The following PCCA variants were observed in gnomAD, a reference collection of about 807,000 sequenced individuals.
PCCA encodes the protein propionyl-CoA carboxylase subunit alpha, also known as propionyl-CoA carboxylase alpha chain, mitochondrial.
A neutral mutation model predicts 101.3 loss-of-function variants in PCCA; 74 were observed. That is an observed-to-expected ratio of 0.73 (90% CI 0.61 to 0.89). The LOEUF is 0.89. Ranked by LOEUF, PCCA falls within the 40% of genes least tolerant of loss-of-function variation. The probability of loss-of-function intolerance (pLI) is 0.00; values close to 1 mark genes in which losing one functional copy is unlikely to be tolerated. For synonymous variants in PCCA, 294 were observed against 313.6 expected, an observed-to-expected ratio of 0.94 and a Z score of 0.66; for missense variants, 891 against 907.0, an observed-to-expected ratio of 0.98 and a Z score of 0.23.
At chr13:100,344,798 G>C (rs1348719522) in intron 18 of PCCA, among the ~76,000 whole-genome samples, 1 of 152,060 alleles carries the variant, frequency 6.6e-6, no homozygotes, top group African/African-American at 2.4e-5. Flanking sequence ...ACCCTGCATT[G>C]AGCAAGTCTT....
intron 20 of PCCA, among the ~76,000 whole-genome samples, chr13:100,436,103 G>A (rs1308699219): frequency 6.6e-6 from 1 of 152,124 alleles, no homozygotes; most frequent in East Asian, 1.9e-4. Context: ...CAGTGTGGGA[G>A]CGAGCCTGAG....
intron 1 of PCCA, among the ~76,000 whole-genome samples, chr13:100,095,015 C>G (rs2046639778): frequency 6.6e-6 from 1 of 152,208 alleles, no homozygotes; most frequent in African/African-American, 2.4e-5. Flanking sequence ...AGTCTGAAAT[C>G]AAGGCATGAG....
chr13:100,310,929 G>T (rs756391554), intron 16 of PCCA, among the ~76,000 whole-genome samples: 1 of 152,004 alleles, frequency 6.6e-6, no homozygotes, highest in Non-Finnish European at 1.5e-5. Context: ...CTGTCCTGAC[G>T]CCATTTAATA....
chr13:100,505,607 G>A lies in PCCA; in HGVS notation c.1900-9820G>A, dbSNP rs535893085. On this transcript the variant is annotated intron_variant, in intron 21 of 23. Transcript: ENST00000376285. ...CAGTCTGGTGCAGTGACTCATGCCT[G>A]TAATCCCAGCACTCTGGGAACCTGG... 5.9e-5 allele frequency among the ~76,000 whole-genome samples: 9 copies of A among 152,312 alleles called. No individual in the cohort carries two copies. The South Asian group carries it at 1.9e-3, about 32-fold the overall frequency.
chr13:100,213,396 A>G (rs2059340498), intron 7 of PCCA, among the ~76,000 whole-genome samples: 1 of 152,150 alleles, frequency 6.6e-6, no homozygotes, highest in South Asian at 2.1e-4. Context: ...CCTCGCCAGC[A>G]TTTGTTATTG....
In PCCA at chr13:100,530,149, C is replaced by T; in HGVS notation, c.2170C>T (p.Leu724Phe). Residue 724 changes from leucine (L) to phenylalanine (F), a missense_variant, in exon 24 of 24, where the codon CTC (leucine) becomes TTC (phenylalanine). Coordinates refer to ENST00000376285, the MANE Select transcript of PCCA (RefSeq NM_000282.4). ...AGACACAGTTGGAGAAGGGGATCTG[C>T]TCGTGGAGCTGGAATGAAGGATTTA... ...AGDTVGEGDL[L>F]VELE The T allele has an allele frequency of 6.2e-7, 1 of 1,613,756 alleles. No homozygotes were observed. The highest frequency in any genetic ancestry group is 8.5e-7 in the Non-Finnish European group (1 of 1,179,622).
chr13:100,186,338 C>T (rs757106797), intron 6 of PCCA, among the ~76,000 whole-genome samples: 4 of 152,092 alleles, frequency 2.6e-5, no homozygotes, highest in Non-Finnish European at 4.4e-5. Flanking sequence ...TGTCCATAAG[C>T]ACACATTTGA....
chr13:100,499,191 A>C (rs939865999), intron 21 of PCCA, among the ~76,000 whole-genome samples: 2 of 152,194 alleles, frequency 1.3e-5, no homozygotes, highest in African/African-American at 4.8e-5. Context: ...TAAAATATTC[A>C]TAGCCTTTGC....
intron 6 of PCCA, among the ~76,000 whole-genome samples, chr13:100,159,991 C>T (rs913363380): frequency 1.3e-5 from 2 of 152,176 alleles, no homozygotes; most frequent in African/African-American, 2.4e-5. Context: ...ATGATTTGTG[C>T]TTTATCTGAT....
At chr13:100,523,653 G>A (rs578154399) in intron 22 of PCCA, among the ~76,000 whole-genome samples, 8 of 152,290 alleles carry the variant, frequency 5.3e-5, no homozygotes, top group African/African-American at 1.7e-4. Flanking sequence ...TCTGATAATC[G>A]GATGCGAACG....
chr13:100,268,889 A>T, intron 11 of PCCA, 106 bp downstream of exon 11: 1 of 849,278 alleles, frequency 1.2e-6, no homozygotes, highest in Non-Finnish European at 2.0e-6. Flanking sequence ...ACAGGGTCTC[A>T]CTCTGTTGCC....
intron 4 of PCCA, among the ~76,000 whole-genome samples, chr13:100,122,653 C>G (rs1441067203): frequency 6.6e-6 from 1 of 152,036 alleles, no homozygotes; most frequent in Admixed American, 6.6e-5. Flanking sequence ...AGTAATGTCT[C>G]CTCTTTCATT....
intron 6 of PCCA, among the ~76,000 whole-genome samples, chr13:100,194,748 G>A (rs1242567398): frequency 6.6e-6 from 1 of 151,986 alleles, no homozygotes; most frequent in Admixed American, 6.6e-5. Context: ...CTGATCTGAC[G>A]GACTAAACAA....
chr13:100,262,917 A>G, intron 10 of PCCA, 86 bp downstream of exon 10: 3 of 717,002 alleles, frequency 4.2e-6, no homozygotes, highest in Non-Finnish European at 7.4e-6. Context: ...TCCATTTAGA[A>G]TGATTGTGAG....
intron 11 of PCCA, among the ~76,000 whole-genome samples, chr13:100,272,360 T>G (rs2063360627): frequency 6.6e-6 from 1 of 152,218 alleles, no homozygotes; most frequent in African/African-American, 2.4e-5. Flanking sequence ...TAATTTTGTT[T>G]TTTGTGTATT....
Position 100,456,959 on chromosome 13 carries a change from G to A in PCCA, c.1899+7654G>A, listed in dbSNP as rs979168720. ...CAAGGAAAAGAGACTCCGTTTCGCGGTCTGCTAAGTAATGGGTGTCTTCGC... is the reference window on the plus strand; with the variant it reads ...CAAGGAAAAGAGACTCCGTTTCGCGATCTGCTAAGTAATGGGTGTCTTCGC... On this transcript the variant is annotated intron_variant, in intron 21 of 23. Transcript: ENST00000376285. Among the ~76,000 whole-genome samples the A allele has an allele frequency of 2.6e-5, 4 of 152,170 alleles. No homozygotes were observed. In the Middle Eastern group the frequency reaches 0.01, roughly 388 times the overall value.
chr13:100,348,791 C>CTTTCTTTCTTT (rs2072779282), intron 18 of PCCA, among the ~76,000 whole-genome samples: 5 of 49,914 alleles, frequency 1.0e-4, no homozygotes, highest in African/African-American at 4.0e-4. Context: ...TTTCTTTCTT[C>CTTTCTTTCTTT]CTTCCTTCCT....
chr13:100,140,687 A>G (rs1221192927), intron 4 of PCCA, among the ~76,000 whole-genome samples: 1 of 152,190 alleles, frequency 6.6e-6, no homozygotes, highest in East Asian at 1.9e-4. Context: ...CCAAGTCTAT[A>G]AATACTTGAT....
chr13:100,421,400 A>G (rs1048583937), intron 19 of PCCA, among the ~76,000 whole-genome samples: 2 of 152,176 alleles, frequency 1.3e-5, no homozygotes, highest in African/African-American at 4.8e-5. Flanking sequence ...AAAAAATGAT[A>G]GCACACTGTA....
Sources: gnomAD v4.1 joint callset for allele counts (sites outside exome capture counted in the v4.1 genomes callset) on GRCh38, gnomAD v4.1.1 for gene constraint, MANE v1.5 for transcripts, NCBI Gene and HGNC (gene_info 2026-07-23, HGNC 2026-07-21) for gene names.